Variants in UNC13C observed in about 807,000 individuals in gnomAD.
The protein encoded by UNC13C is unc-13 homolog C.
Under a neutral mutation model 245.4 loss-of-function variants are expected in UNC13C, and 174 were observed. The observed-to-expected ratio is 0.71, with a 90% CI of 0.63 to 0.80. UNC13C has a LOEUF of 0.80. UNC13C is among the 30% of genes least tolerant of loss of function. UNC13C has a pLI of 0.00. For missense variants in UNC13C, 2,829 were observed against 2,602.9 expected, an observed-to-expected ratio of 1.09 and a Z score of -1.89; for synonymous variants, 992 against 895.1, an observed-to-expected ratio of 1.11 and a Z score of -1.93.
At chr15:54,285,431 T>C (rs1006290158) in intron 10 of UNC13C, among the ~76,000 whole-genome samples, 1 of 152,242 alleles carries the variant, frequency 6.6e-6, no homozygotes, top group Non-Finnish European at 1.5e-5. Flanking sequence ...GAGATACCGA[T>C]ATTGCAATAG....
intron 30 of UNC13C, among the ~76,000 whole-genome samples, chr15:54,584,780 G>GA (rs1898400986): frequency 6.6e-6 from 1 of 152,172 alleles, no homozygotes; most frequent in Admixed American, 6.5e-5. Flanking sequence ...ACCCTATAAG[G>GA]AAAATGAAAC....
At chr15:53,881,818 A>G in the UNC13C span, among the ~76,000 whole-genome samples, 1 of 152,214 alleles carries the variant, frequency 6.6e-6, no homozygotes, top group Non-Finnish European at 1.5e-5. Flanking sequence ...ACAAAACCAA[A>G]AAGGACCTTG....
chr15:54,467,625 C>A (rs2141037069), intron 19 of UNC13C, among the ~76,000 whole-genome samples: 1 of 151,804 alleles, frequency 6.6e-6, no homozygotes, highest in South Asian at 2.1e-4. Flanking sequence ...ATATCCCCTT[C>A]TCCATCTACC....
rs555167170 is a variant in UNC13C at position 54,476,767 on chromosome 15, G to T, written c.4934-17841G>T. On this transcript the variant is annotated intron_variant, in intron 19 of 32. Coordinates refer to ENST00000260323, the MANE Select transcript of UNC13C (RefSeq NM_001080534.3). ...TGATGCCTCCAGCTTTGTTCTTTTGGCTTAGGATTGACTTGGTGATGCGGG... is the reference window on the plus strand; with the variant it reads ...TGATGCCTCCAGCTTTGTTCTTTTGTCTTAGGATTGACTTGGTGATGCGGG... Among the ~76,000 whole-genome samples, 302 of 146,720 alleles carry T rather than the reference G, an allele frequency of 2.1e-3. 2 individuals are homozygous for T. Among genetic ancestry groups the T allele is most frequent in the African/African-American group, 7.3e-3 (288 of 39,516 alleles).
intron 2 of UNC13C, among the ~76,000 whole-genome samples, chr15:54,067,375 T>C (rs1163909055): frequency 6.6e-6 from 1 of 152,210 alleles, no homozygotes. Context: ...TCTAGTTTCA[T>C]ATTTAATTAA....
rs1343759289 is a variant in UNC13C, at chr15:54,235,252, A to G, written c.3150+144A>G. ...GAGGCCAGATGCTACCTGCTGTTAT[A>G]TTTATTATTATTTCTTTAAAATCTA... On this transcript the variant is annotated intron_variant, in intron 5 of 32. Coordinates refer to ENST00000260323, the MANE Select transcript of UNC13C (RefSeq NM_001080534.3). 5.3e-6 allele frequency: 3 copies of G among 570,158 alleles called. No individual in the cohort carries two copies. In the African/African-American group the frequency reaches 5.8e-5, roughly 11 times the overall value. 35.3% of individuals were successfully genotyped at this position (570,158 alleles called of 1,614,324 possible).
chr15:54,456,090 G>T (rs1007798134), intron 19 of UNC13C, among the ~76,000 whole-genome samples: 9 of 152,116 alleles, frequency 5.9e-5, no homozygotes, highest in African/African-American at 1.9e-4. Flanking sequence ...CTTGTGGCTT[G>T]CCAATTATCC....
At chr15:54,311,816 T>G (rs944929703) in intron 13 of UNC13C, among the ~76,000 whole-genome samples, 2 of 151,792 alleles carry the variant, frequency 1.3e-5, no homozygotes, top group Admixed American at 1.3e-4. Flanking sequence ...CAATGATATT[T>G]TAAAACATTA....
At chr15:54,251,087 A>G (rs1054865939) in intron 8 of UNC13C, among the ~76,000 whole-genome samples, 47 of 152,058 alleles carry the variant, frequency 3.1e-4, no homozygotes, top group African/African-American at 1.1e-3. Context: ...ATACATCATA[A>G]TAGTTCCATG....
At chr15:53,928,866 A>C in the UNC13C span, among the ~76,000 whole-genome samples, 2 of 152,232 alleles carry the variant, frequency 1.3e-5, no homozygotes, top group Admixed American at 6.5e-5. Context: ...AGAGAAGAGC[A>C]TGTTCTTTAT....
At chr15:53,870,894 C>A in the UNC13C span, among the ~76,000 whole-genome samples, 16 of 152,180 alleles carry the variant, frequency 1.1e-4, no homozygotes, top group Non-Finnish European at 1.3e-4. Context: ...GTCCCTTCCT[C>A]ATGTCTTTCC....
At chr15:54,498,791 A>G (rs1244805098) in intron 20 of UNC13C, among the ~76,000 whole-genome samples, 8 of 152,190 alleles carry the variant, frequency 5.3e-5, no homozygotes, top group Non-Finnish European at 7.4e-5. Flanking sequence ...AAAAAGATGC[A>G]TTATTATAAA....
the UNC13C span, among the ~76,000 whole-genome samples, chr15:53,971,558 T>C: frequency 6.6e-6 from 1 of 152,140 alleles, no homozygotes; most frequent in East Asian, 1.9e-4. Context: ...AGTATTTTTA[T>C]TTTTTAGTAT....
At chr15:54,299,016 G>T (rs773664700) in intron 12 of UNC13C, among the ~76,000 whole-genome samples, 2 of 152,012 alleles carry the variant, frequency 1.3e-5, no homozygotes, top group Non-Finnish European at 2.9e-5. Flanking sequence ...TAGGACCTAG[G>T]CTTAATTTCA....
chr15:54,424,534 G>C (rs1402419350), intron 19 of UNC13C, among the ~76,000 whole-genome samples: 1 of 151,822 alleles, frequency 6.6e-6, no homozygotes, highest in Non-Finnish European at 1.5e-5. Context: ...GAGGAGAAGG[G>C]GAAAGGACTT....
At chr15:54,541,991 C>A (rs1403445755) in intron 26 of UNC13C, among the ~76,000 whole-genome samples, 1 of 151,922 alleles carries the variant, frequency 6.6e-6, no homozygotes, top group East Asian at 1.9e-4. Context: ...AAATCGTGTG[C>A]TTTGGGAGAC....
chr15:54,311,039 G>C (rs2037858563), intron 13 of UNC13C, among the ~76,000 whole-genome samples: 1 of 151,720 alleles, frequency 6.6e-6, no homozygotes, highest in South Asian at 2.1e-4. Flanking sequence ...TTTGGTACTA[G>C]GAGCTACCTT....
At chr15:54,169,406 C>G (rs572937438) in intron 4 of UNC13C, among the ~76,000 whole-genome samples, 2 of 152,114 alleles carry the variant, frequency 1.3e-5, no homozygotes, top group African/African-American at 4.8e-5. Flanking sequence ...ATTTTCTTTT[C>G]TTTTTAGTAT....
At chr15:54,612,362 C>A (rs564068695) in intron 30 of UNC13C, among the ~76,000 whole-genome samples, 1 of 151,968 alleles carries the variant, frequency 6.6e-6, no homozygotes, top group African/African-American at 2.4e-5. Flanking sequence ...TTGTCTATTT[C>A]TTTCTTCATT....
Sources: allele counts gnomAD v4.1 joint callset (sites outside exome capture counted in the v4.1 genomes callset), GRCh38; gene constraint gnomAD v4.1.1; transcripts MANE v1.5; gene names NCBI Gene and HGNC (gene_info 2026-07-23, HGNC 2026-07-21).